The following FOCAD variants were observed in gnomAD, a reference collection of about 807,000 sequenced individuals.
FOCAD encodes the protein focadhesin, also known as KIAA1797.
In FOCAD, 198 loss-of-function variants were observed where a neutral mutation model predicts 225.6. The ratio of observed to expected loss-of-function variants is 0.88; its 90% CI spans 0.78 to 0.99. The LOEUF (loss-of-function observed/expected upper bound fraction) is 0.99, where lower values mean the gene tolerates loss of function less well. Ranked by LOEUF, FOCAD falls within the 50% of genes least tolerant of loss-of-function variation. The pLI is 0.00. For synonymous variants in FOCAD, 897 were observed against 755.0 expected (o/e 1.19, Z -3.08); for missense variants, 2,713 against 2,123.6 (o/e 1.28, Z -5.46).
intron 2 of FOCAD, among the ~76,000 whole-genome samples, chr9:20,716,400 A>C (rs539774932): frequency 6.6e-6 from 1 of 152,214 alleles, no homozygotes; most frequent in South Asian, 2.1e-4. Flanking sequence ...GTTATAGAAC[A>C]CTTAAGTAGC....
At chr9:20,712,430 C>T (rs1453045092) in intron 1 of FOCAD, among the ~76,000 whole-genome samples, 11 of 152,006 alleles carry the variant, frequency 7.2e-5, no homozygotes, top group African/African-American at 9.7e-5. Flanking sequence ...GAGGCCGAGG[C>T]GGGCGGATCA....
chr9:20,938,255 A>C (rs1370609543), intron 28 of FOCAD, among the ~76,000 whole-genome samples: 1 of 152,218 alleles, frequency 6.6e-6, no homozygotes, highest in Non-Finnish European at 1.5e-5. Flanking sequence ...TTTATAAATC[A>C]TGCTGCTATA....
At chr9:20,865,033 C>G (rs1315226985) in intron 16 of FOCAD, among the ~76,000 whole-genome samples, 1 of 152,092 alleles carries the variant, frequency 6.6e-6, no homozygotes, top group Non-Finnish European at 1.5e-5. Flanking sequence ...ATGTCTGAAT[C>G]CAGGACTTTC....
intron 11 of FOCAD, among the ~76,000 whole-genome samples, chr9:20,800,246 G>C (rs987046668): frequency 1.3e-5 from 2 of 152,022 alleles, no homozygotes; most frequent in Admixed American, 1.3e-4. Flanking sequence ...TCCCTTTGTG[G>C]GTATCCCGAC....
In FOCAD at chr9:20,732,991, A is replaced by G. The variant is rs761516681; in HGVS notation, c.288-7245A>G. 9.8e-5 allele frequency among the ~76,000 whole-genome samples: 15 copies of G among 152,312 alleles called. No individual in the cohort carries two copies. The South Asian group carries it at 2.3e-3, about 23-fold the overall frequency. On this transcript the variant is annotated intron_variant, in intron 4 of 43. Transcript: ENST00000338382. ...TTCAGATGCTGAAGTGGAAATGTCT[A>G]GTAGGCAGCTGGATATGCCTTTTTT...
chr9:20,938,503 C>A (rs1288300271), intron 28 of FOCAD, among the ~76,000 whole-genome samples: 4 of 151,858 alleles, frequency 2.6e-5, no homozygotes, highest in Non-Finnish European at 5.9e-5. Flanking sequence ...ACCACATGTT[C>A]TCACTCATAG....
In FOCAD at chr9:20,874,691, A is replaced by C; in HGVS notation, c.2201A>C (p.Glu734Ala). ...ILHLPEKIRP[E>A]IPIPEELDDD... ...CGCTTATCATTTCAGATAAGACCAG[A>C]AATTCCCATTCCTGAAGAGTTAGAT... is the stretch of plus-strand genomic sequence containing the variant. The change falls in exon 19 of 44, where the codon GAA (glutamate) becomes GCA (alanine). Residue 734 changes from glutamate to alanine, a missense_variant. Coordinates refer to ENST00000338382, the MANE Select transcript of FOCAD (RefSeq NM_001375567.1). 1.2e-6 allele frequency: 2 copies of C among 1,613,428 alleles called. No homozygotes were observed. Among genetic ancestry groups the C allele is most frequent in the Non-Finnish European group, 1.7e-6 (2 of 1,179,594 alleles).
chr9:20,871,234 G>T (rs1829737203), intron 18 of FOCAD, among the ~76,000 whole-genome samples: 1 of 151,728 alleles, frequency 6.6e-6, no homozygotes, highest in Non-Finnish European at 1.5e-5. Flanking sequence ...TATCATTTTT[G>T]ACTTTCCATT....
In FOCAD at chr9:20,938,580, G is replaced by A. The variant is rs572857821; in HGVS notation, c.3407+5477G>A. Among the ~76,000 whole-genome samples, 50 of 151,806 alleles carry A rather than the reference G, an allele frequency of 3.3e-4. 1 individual carries two copies. The highest frequency in any genetic ancestry group is 1.2e-3 in the African/African-American group (49 of 41,356). ...AACATCACACACGGGGGCCTGTTGT[G>A]GGGTGGGGGGAGTGGGGAGGGATAG... On this transcript the variant is annotated intron_variant, in intron 28 of 43. Coordinates refer to ENST00000338382, the MANE Select transcript of FOCAD (RefSeq NM_001375567.1).
intron 15 of FOCAD, among the ~76,000 whole-genome samples, chr9:20,858,855 G>T (rs770270130): frequency 1.3e-5 from 2 of 151,154 alleles, no homozygotes; most frequent in Non-Finnish European, 2.9e-5. Context: ...GGTCTTTCAG[G>T]AGCATGTTGT....
chr9:20,841,546 A>G (rs1012034722), intron 15 of FOCAD, among the ~76,000 whole-genome samples: 1 of 151,742 alleles, frequency 6.6e-6, no homozygotes, highest in Non-Finnish European at 1.5e-5. Context: ...TTATTGTCAT[A>G]TAGTTGCTCA....
intron 8 of FOCAD, among the ~76,000 whole-genome samples, chr9:20,770,802 A>G (rs962515688): frequency 5.9e-5 from 9 of 152,208 alleles, no homozygotes; most frequent in African/African-American, 1.9e-4. Flanking sequence ...TACTGGTAAT[A>G]TCATTTATTA....
chr9:20,665,665 G>A (rs1256246365), intron 2 of FOCAD, among the ~76,000 whole-genome samples: 2 of 152,096 alleles, frequency 1.3e-5, no homozygotes, highest in Non-Finnish European at 2.9e-5. Flanking sequence ...GTTCTTAAAG[G>A]GAATAAAAGT....
In FOCAD at chr9:20,932,305, C is replaced by G. The variant is rs915560060; in HGVS notation, c.3318-709C>G. Among the ~76,000 whole-genome samples, 13 of 152,164 alleles carry G rather than the reference C, an allele frequency of 8.5e-5. No homozygotes were observed. In the South Asian group the frequency reaches 2.5e-3, roughly 29 times the overall value. On this transcript the variant is annotated intron_variant, in intron 27 of 43. Coordinates refer to ENST00000338382, the MANE Select transcript of FOCAD (RefSeq NM_001375567.1). ...TGCCTGGTTGTCATTCCTGGAGTTA[C>G]ATTCCACTTACCATGATCTGAAGTA...
At chr9:20,918,016 G>C (rs1834015574) in intron 24 of FOCAD, among the ~76,000 whole-genome samples, 2 of 152,236 alleles carry the variant, frequency 1.3e-5, no homozygotes, top group African/African-American at 4.8e-5. Context: ...AGAGAGCTTA[G>C]ATGGAGACTC....
chr9:20,668,503 G>A (rs1432423052), intron 2 of FOCAD, among the ~76,000 whole-genome samples: 2 of 152,158 alleles, frequency 1.3e-5, no homozygotes, highest in Admixed American at 1.3e-4. Flanking sequence ...CATTTTTTAT[G>A]TTCTGATATC....
intron 15 of FOCAD, among the ~76,000 whole-genome samples, chr9:20,839,339 A>C (rs1209181241): frequency 6.7e-6 from 1 of 150,374 alleles, no homozygotes; most frequent in Non-Finnish European, 1.5e-5. Context: ...GCTCACTGCA[A>C]CCTCTGCCTC....
chr9:20,662,660 A>G (rs1199627167), intron 2 of FOCAD, among the ~76,000 whole-genome samples: 2 of 151,642 alleles, frequency 1.3e-5, no homozygotes, highest in South Asian at 2.1e-4. Flanking sequence ...GGGTCTCATT[A>G]TATTGCCCAG....
At chr9:20,660,629 GA>G (rs1821687740) in intron 2 of FOCAD, among the ~76,000 whole-genome samples, 1 of 152,210 alleles carries the variant, frequency 6.6e-6, no homozygotes, top group South Asian at 2.1e-4. Context: ...TGGTTAGAAT[GA>G]TGGAAGGAAG....
Sources: allele counts gnomAD v4.1 joint callset (sites outside exome capture counted in the v4.1 genomes callset), GRCh38; gene constraint gnomAD v4.1.1; transcripts MANE v1.5; gene names NCBI Gene and HGNC (gene_info 2026-07-23, HGNC 2026-07-21).